The following CARMIL1 variants were observed in gnomAD, a reference collection of about 807,000 sequenced individuals.
The protein encoded by CARMIL1 is F-actin-uncapping protein LRRC16A.
CARMIL1 carries 90 observed loss-of-function variants against 177.1 expected under a neutral mutation model. The ratio of observed to expected loss-of-function variants is 0.51; its 90% CI spans 0.43 to 0.61. CARMIL1 has a LOEUF of 0.61. Ranked by LOEUF, CARMIL1 falls within the 20% of genes least tolerant of loss-of-function variation. CARMIL1 has a pLI of 0.00. For missense variants in CARMIL1, 1,380 were observed against 1,667.0 expected, an observed-to-expected ratio of 0.83 and a Z score of 3.00; for synonymous variants, 577 against 606.2, an observed-to-expected ratio of 0.95 and a Z score of 0.71.
At chr6:25,586,826 C>T (rs988217693) in intron 31 of CARMIL1, among the ~76,000 whole-genome samples, 2 of 151,990 alleles carry the variant, frequency 1.3e-5, no homozygotes, top group African/African-American at 4.8e-5. Flanking sequence ...TGGCGGCGCG[C>T]GCCTGCAATC....
rs913565904 is a variant in CARMIL1, at chr6:25,462,189, C to T, written c.615-3684C>T. ...TAATTTTGAATAAAGTCCAGTTTATCGATTTTTTTATTTTTGTATTTTGCT... is the reference window on the plus strand; with the variant it reads ...TAATTTTGAATAAAGTCCAGTTTATTGATTTTTTTATTTTTGTATTTTGCT... On this transcript the variant is annotated intron_variant, in intron 8 of 36. Coordinates refer to ENST00000329474, the MANE Select transcript of CARMIL1 (RefSeq NM_017640.6). 2.6e-5 allele frequency among the ~76,000 whole-genome samples: 4 copies of T among 152,138 alleles called. No individual in the cohort carries two copies. The East Asian group carries it at 5.8e-4, about 22-fold the overall frequency.
At chr6:25,352,610 A>G (rs1788218938) in intron 2 of CARMIL1, among the ~76,000 whole-genome samples, 1 of 152,138 alleles carries the variant, frequency 6.6e-6, no homozygotes, top group Non-Finnish European at 1.5e-5. Context: ...CAGATTGGTA[A>G]ATGTTTTTTA....
At chr6:25,523,778 G>A (rs75144486) in intron 23 of CARMIL1, among the ~76,000 whole-genome samples, 3 of 152,156 alleles carry the variant, frequency 2.0e-5, no homozygotes, top group African/African-American at 7.2e-5. Flanking sequence ...GGAAAGAGAG[G>A]TACAGAGAAT....
intron 2 of CARMIL1, among the ~76,000 whole-genome samples, chr6:25,296,947 C>CTATCTT (rs1782447352): frequency 2.4e-5 from 2 of 84,704 alleles, no homozygotes; most frequent in African/African-American, 4.6e-5. Context: ...AACTAACTAA[C>CTATCTT]TAACTAACTA....
chr6:25,575,194 C>T (rs1812471380), intron 29 of CARMIL1, among the ~76,000 whole-genome samples: 1 of 152,190 alleles, frequency 6.6e-6, no homozygotes, highest in African/African-American at 2.4e-5. Context: ...TTCCCTTGCC[C>T]TTGTCCTAAT....
At position 25,441,337 on chromosome 6, in the gene CARMIL1, ATGTGTG is replaced by A. The variant is rs1554196401; in HGVS notation, c.371+5763_371+5768del. Among the ~76,000 whole-genome samples the A allele has an allele frequency of 7.7e-3, 730 of 94,542 alleles. 11 individuals are homozygous for A. Among genetic ancestry groups the A allele is most frequent in the Non-Finnish European group, 0.011 (544 of 49,284 alleles). The allele number at this position is 94,542 out of a possible 152,430, so 62.0% of individuals were successfully genotyped here. A position where few individuals can be genotyped will look rare whatever the true frequency, so the allele number is the denominator to read the frequency against. On this transcript the variant is annotated intron_variant, in intron 5 of 36. Coordinates refer to ENST00000329474, the MANE Select transcript of CARMIL1 (RefSeq NM_017640.6). ...CAAACAAACATATATATATATATATATGTGTGTGTGTGTGTGTGTGTGTGTGTGTGT... is the reference window on the plus strand; with the variant it reads ...CAAACAAACATATATATATATATATATGTGTGTGTGTGTGTGTGTGTGTGT...
At chr6:25,441,943 T>C (rs542066948) in intron 5 of CARMIL1, among the ~76,000 whole-genome samples, 145 of 152,118 alleles carry the variant, frequency 9.5e-4, no homozygotes, top group African/African-American at 3.4e-3. Context: ...GTATGAGGTA[T>C]GAAAATGTGA....
intron 2 of CARMIL1, among the ~76,000 whole-genome samples, chr6:25,356,837 T>G (rs1365991514): frequency 6.6e-6 from 1 of 152,230 alleles, no homozygotes; most frequent in Non-Finnish European, 1.5e-5. Context: ...TGGCAGTCTG[T>G]GGTCTGTCCA....
chr6:25,332,761 A>ACACACACACGCG (rs1554165879), intron 2 of CARMIL1, among the ~76,000 whole-genome samples: 4 of 140,624 alleles, frequency 2.8e-5, no homozygotes, highest in Admixed American at 2.1e-4. Context: ...ACACACACAC[A>ACACACACACGCG]CACACACACA....
At chr6:25,496,969 T>A (rs1251761510) in intron 16 of CARMIL1, among the ~76,000 whole-genome samples, 4 of 152,202 alleles carry the variant, frequency 2.6e-5, no homozygotes, top group African/African-American at 9.7e-5. Flanking sequence ...CCTGTAAATG[T>A]TGTACTTCAA....
intron 2 of CARMIL1, among the ~76,000 whole-genome samples, chr6:25,415,568 T>C (rs1267568121): frequency 6.6e-6 from 1 of 151,312 alleles, no homozygotes; most frequent in African/African-American, 2.4e-5. Flanking sequence ...GTGTTAGTGA[T>C]TGCTGTTGTA....
Position 25,481,583 on chromosome 6 carries a change from T to C in CARMIL1, c.875-674T>C, listed in dbSNP as rs573810535. Among the ~76,000 whole-genome samples, 9 of 152,216 alleles carry C rather than the reference T, an allele frequency of 5.9e-5. 1 individual carries two copies. In the South Asian group the frequency reaches 1.2e-3, roughly 21 times the overall value. ...GTATGAAGGGCATACGTTTGTGTAT[T>C]ACTTATTTCCTCCCAGAAAACAGTC... On this transcript the variant is annotated intron_variant, in intron 11 of 36. Coordinates refer to ENST00000329474, the MANE Select transcript of CARMIL1 (RefSeq NM_017640.6).
At chr6:25,452,497 G>T in intron 8 of CARMIL1, 1 of 333,470 alleles carries the variant, frequency 3.0e-6, no homozygotes, top group South Asian at 8.2e-5. Context: ...GGTTTTTGTG[G>T]GTCAAAACAT....
At chr6:25,281,121 C>G (rs548845884) in intron 1 of CARMIL1, among the ~76,000 whole-genome samples, 7 of 59,920 alleles carry the variant, frequency 1.2e-4, no homozygotes, top group African/African-American at 2.5e-4. Flanking sequence ...CAGACGCACG[C>G]GCGTGTGCGC....
chr6:25,593,908 A>G (rs1387551203), intron 31 of CARMIL1, among the ~76,000 whole-genome samples: 1 of 152,206 alleles, frequency 6.6e-6, no homozygotes, highest in Non-Finnish European at 1.5e-5. Context: ...ATCAGTATCC[A>G]TAATCTGACT....
At chr6:25,504,165 G>C (rs1036356673) in intron 17 of CARMIL1, among the ~76,000 whole-genome samples, 3 of 152,106 alleles carry the variant, frequency 2.0e-5, no homozygotes, top group Admixed American at 1.3e-4. Flanking sequence ...TCCAGTGATT[G>C]ATTTTAAAAT....
chr6:25,325,849 G>A (rs372469152), intron 2 of CARMIL1, among the ~76,000 whole-genome samples: 30 of 152,198 alleles, frequency 2.0e-4, no homozygotes, highest in East Asian at 3.9e-4. Flanking sequence ...GGAGTGGGGT[G>A]GGGAGCTGTG....
chr6:25,394,579 G>C (rs961779323), intron 2 of CARMIL1, among the ~76,000 whole-genome samples: 1 of 152,196 alleles, frequency 6.6e-6, no homozygotes, highest in Non-Finnish European at 1.5e-5. Flanking sequence ...AATGACTACT[G>C]TGTGGCAATT....
At position 25,606,736 on chromosome 6, in the gene CARMIL1, C is replaced by CA. The variant is rs1259106706; in HGVS notation, c.3847+466dup. 2.0e-5 allele frequency among the ~76,000 whole-genome samples: 3 copies of CA among 152,136 alleles called. No homozygotes were observed. In the East Asian group the frequency reaches 5.8e-4, roughly 29 times the overall value. ...AACAAGGGTTTAGAACAAGACTTGG[C>CA]AAACAATGGGCCTGTTTTTGTGAAT... On this transcript the variant is annotated intron_variant, in intron 35 of 36. Coordinates refer to ENST00000329474, the MANE Select transcript of CARMIL1 (RefSeq NM_017640.6).
Sources: allele counts gnomAD v4.1 joint callset (sites outside exome capture counted in the v4.1 genomes callset), GRCh38; gene constraint gnomAD v4.1.1; transcripts MANE v1.5; gene names NCBI Gene and HGNC (gene_info 2026-07-23, HGNC 2026-07-21).